Variants in NXPE4 observed in about 807,000 individuals in gnomAD.
NXPE4 encodes neurexophilin and PC-esterase domain family member 4.
NXPE4 carries 42 observed loss-of-function variants against 33.3 expected under a neutral mutation model. That is an observed-to-expected ratio of 1.26 (90% CI 0.98 to 1.63). The LOEUF is 1.63. Among genes scored for constraint, NXPE4 ranks in the 40% most tolerant of loss-of-function variants. NXPE4 has a pLI of 0.00. For synonymous variants in NXPE4, 253 were observed against 234.9 expected, an observed-to-expected ratio of 1.08 and a Z score of -0.71; for missense variants, 709 against 647.6, an observed-to-expected ratio of 1.09 and a Z score of -1.03.
chr11:114,660,808 T>A, the NXPE4 span, among the ~76,000 whole-genome samples: 1 of 152,252 alleles, frequency 6.6e-6, no homozygotes, highest in East Asian at 1.9e-4. Flanking sequence ...TACAACTACA[T>A]ATTTTCACAG....
the NXPE4 span, among the ~76,000 whole-genome samples, chr11:114,669,644 C>T: frequency 6.6e-6 from 1 of 152,064 alleles, no homozygotes; most frequent in Admixed American, 6.6e-5. Flanking sequence ...GAGAAATGGG[C>T]CACTGTCACT....
chr11:114,673,087 CAT>C, the NXPE4 span, among the ~76,000 whole-genome samples: 3 of 147,938 alleles, frequency 2.0e-5, no homozygotes, highest in Non-Finnish European at 4.5e-5. Context: ...ATATATATAA[CAT>C]ATATAGTATA....
chr11:114,663,637 C>CAATCATCTATCTATCATCT, the NXPE4 span, among the ~76,000 whole-genome samples: 1 of 138,754 alleles, frequency 7.2e-6, no homozygotes, highest in South Asian at 2.5e-4. Flanking sequence ...ATCTATCTAT[C>CAATCATCTATCTATCATCT]ATCTATCCAT....
At chr11:114,663,266 T>A in the NXPE4 span, among the ~76,000 whole-genome samples, 1 of 152,284 alleles carries the variant, frequency 6.6e-6, no homozygotes, top group African/African-American at 2.4e-5. Context: ...CAGTGCCAAC[T>A]CAGCCGCAGT....
chr11:114,637,139 A>G, the NXPE4 span, among the ~76,000 whole-genome samples: 2 of 151,568 alleles, frequency 1.3e-5, no homozygotes, highest in African/African-American at 2.4e-5. Context: ...TTATGAATCT[A>G]GGTGCTCCTG....
the NXPE4 span, among the ~76,000 whole-genome samples, chr11:114,615,950 C>T: frequency 4.0e-5 from 6 of 151,676 alleles, no homozygotes; most frequent in Middle Eastern, 3.4e-3. Context: ...TGGGTAACCA[C>T]TGTTACCCAT....
At chr11:114,632,176 TATAATA>T in the NXPE4 span, among the ~76,000 whole-genome samples, 26 of 140,986 alleles carry the variant, frequency 1.8e-4, 1 homozygote, top group Non-Finnish European at 3.7e-4. Context: ...TCATATAATA[TATAATA>T]AATAAATGAT....
chr11:114,585,179 G>C (rs1316265720), intron 2 of NXPE4, among the ~76,000 whole-genome samples: 1 of 151,644 alleles, frequency 6.6e-6, no homozygotes, highest in East Asian at 2.0e-4. Flanking sequence ...CCTGCCATCT[G>C]TCTTCCCCCA....
At chr11:114,576,405 T>C (rs1221598340) in intron 5 of NXPE4, among the ~76,000 whole-genome samples, 1 of 151,926 alleles carries the variant, frequency 6.6e-6, no homozygotes, top group Non-Finnish European at 1.5e-5. Context: ...TCAGCAGAGT[T>C]AACAGACAAC....
At chr11:114,632,487 A>G in the NXPE4 span, among the ~76,000 whole-genome samples, 7 of 126,526 alleles carry the variant, frequency 5.5e-5, no homozygotes, top group African/African-American at 8.7e-5. Context: ...ATAATACTCC[A>G]TAATATATAT....
chr11:114,625,590 G>A, the NXPE4 span, among the ~76,000 whole-genome samples: 2 of 152,194 alleles, frequency 1.3e-5, no homozygotes, highest in Non-Finnish European at 2.9e-5. Context: ...GGTAACCACT[G>A]TTATCTGGTG....
chr11:114,599,727 A>G (rs1949616339), upstream of NXPE4, among the ~76,000 whole-genome samples: 1 of 152,016 alleles, frequency 6.6e-6, no homozygotes, highest in African/African-American at 2.4e-5. Flanking sequence ...ACACATTTTT[A>G]AACAACAAGA....
the NXPE4 span, among the ~76,000 whole-genome samples, chr11:114,632,115 A>G: frequency 6.9e-6 from 1 of 144,524 alleles, no homozygotes; most frequent in Non-Finnish European, 1.5e-5. Flanking sequence ...TATATAAATT[A>G]TATATTATAA....
At chr11:114,580,372 A>G in intron 4 of NXPE4, 34 bp from the exon 5 acceptor site, 1 of 1,580,280 alleles carries the variant, frequency 6.3e-7, no homozygotes. Context: ...GATCTTCCAA[A>G]ACATCAAATT....
At chr11:114,624,159 C>T in the NXPE4 span, among the ~76,000 whole-genome samples, 1 of 152,044 alleles carries the variant, frequency 6.6e-6, no homozygotes, top group South Asian at 2.1e-4. Context: ...TCATGTGTAA[C>T]CAATGTTATA....
the NXPE4 span, among the ~76,000 whole-genome samples, chr11:114,642,338 T>A: frequency 6.6e-6 from 1 of 152,022 alleles, no homozygotes; most frequent in Admixed American, 6.6e-5. Flanking sequence ...GTGCAGAACA[T>A]AGATATACAC....
At chr11:114,615,079 C>T in the NXPE4 span, among the ~76,000 whole-genome samples, 1 of 151,726 alleles carries the variant, frequency 6.6e-6, no homozygotes, top group African/African-American at 2.4e-5. Flanking sequence ...AATTCTTACC[C>T]TGTGGAAAAT....
chr11:114,595,365 T>C (rs1949556305), intron 1 of NXPE4, among the ~76,000 whole-genome samples: 1 of 152,172 alleles, frequency 6.6e-6, no homozygotes, highest in African/African-American at 2.4e-5. Context: ...ACATTTCTCT[T>C]TGCACCGGAA....
the NXPE4 span, among the ~76,000 whole-genome samples, chr11:114,609,007 AGT>A: frequency 6.6e-6 from 1 of 151,926 alleles, no homozygotes; most frequent in African/African-American, 2.4e-5. Flanking sequence ...GTGGATAATA[AGT>A]GTTGCCTTGT....
Sources: allele counts gnomAD v4.1 joint callset (sites outside exome capture counted in the v4.1 genomes callset), GRCh38; gene constraint gnomAD v4.1.1; transcripts MANE v1.5; gene names NCBI Gene and HGNC (gene_info 2026-07-23, HGNC 2026-07-21).